Variants in TMEM259 observed in about 807,000 individuals in gnomAD.
TMEM259 encodes the protein transmembrane protein 259.
Under a neutral mutation model 46.7 loss-of-function variants are expected in TMEM259, and 26 were observed. The observed-to-expected ratio is 0.56, with a 90% CI of 0.41 to 0.77. TMEM259 has a LOEUF of 0.77. TMEM259 is among the 30% of genes least tolerant of loss of function. TMEM259 has a pLI of 0.00. For missense variants in TMEM259, 930 were observed against 900.5 expected, an observed-to-expected ratio of 1.03 and a Z score of -0.42; for synonymous variants, 494 against 395.1, an observed-to-expected ratio of 1.25 and a Z score of -2.97.
intron 1 of TMEM259, among the ~76,000 whole-genome samples, chr19:1,016,914 CCAGT>C (rs1351276696): frequency 2.6e-5 from 4 of 152,174 alleles, no homozygotes; most frequent in Non-Finnish European, 4.4e-5. Context: ...TGCACACACT[CCAGT>C]CAAAGACTTC....
chr19:1,020,709 T>A lies in TMEM259; in HGVS notation c.225+63A>T. The A allele has an allele frequency of 8.4e-7, 1 of 1,193,442 alleles. No individual in the cohort carries two copies. The highest frequency in any genetic ancestry group is 3.2e-5 in the East Asian group (1 of 31,470). 73.9% of individuals were successfully genotyped at this position (1,193,442 alleles called of 1,614,324 possible). A position where few individuals can be genotyped will look rare whatever the true frequency, so the allele number is the denominator to read the frequency against. ...CGGGGCCAGGGGTCGCGGTCGGAGG[T>A]AGCAGACTTGGGGGTCGGGACAGCC... On this transcript the variant is annotated intron_variant, in intron 1 of 10. Transcript: ENST00000356663. The surrounding 1 kb of genome is among the most constrained non-coding windows in gnomAD (Gnocchi z 4.0).
intron 1 of TMEM259, among the ~76,000 whole-genome samples, chr19:1,017,830 C>G (rs1178106354): frequency 6.6e-6 from 1 of 152,182 alleles, no homozygotes; most frequent in Non-Finnish European, 1.5e-5. Context: ...ACAGAGCCCT[C>G]AGCCCCAGCC....
In TMEM259 at chr19:1,020,814, C is replaced by T. The variant is rs138011392; in HGVS notation, c.183G>A (p.Pro61=). The T allele has an allele frequency of 3.8e-4, 517 of 1,345,694 alleles. 2 individuals carry two copies. The highest frequency in any genetic ancestry group is 2.0e-4 in the Middle Eastern group (1 of 5,098). The allele number at this position is 1,345,694 out of a possible 1,614,324, so 83.4% of individuals were successfully genotyped here. ...KMAVTYSRLF[P]PAFRRLFEFF... is the part of the protein sequence containing the mutation. ...ACTCGAAGAGACGGCGGAAGGCGGG[C>T]GGGAAGAGCCGCGAATAGGTGACAG... Residue 61 remains proline (P), a synonymous_variant, in exon 1 of 11, where the codon CCG becomes CCA. Transcript: ENST00000356663. The surrounding 1 kb of genome is among the most constrained non-coding windows in gnomAD (Gnocchi z 4.0).
In TMEM259 at chr19:1,010,262, G is replaced by A. The variant is rs2038856083; in HGVS notation, c.*88C>T. ...CGACACAGGCTGGGCAGTCCCAGAG[G>A]AAGGAGGTGGCTGGCCTCCCCCACC... On this transcript the variant is annotated 3_prime_UTR_variant, in exon 11 of 11. Transcript: ENST00000356663. The A allele has an allele frequency of 6.5e-6, 8 of 1,224,092 alleles. No individual in the cohort carries two copies. In the East Asian group the frequency reaches 1.4e-4, roughly 22 times the overall value. 75.8% of individuals were successfully genotyped at this position (1,224,092 alleles called of 1,614,324 possible).
intron 3 of TMEM259, among the ~76,000 whole-genome samples, chr19:1,012,961 C>T (rs371282206): frequency 1.7e-3 from 254 of 152,270 alleles, no homozygotes; most frequent in African/African-American, 4.4e-3. Context: ...GAGCACAGCC[C>T]GCTAGAACTC....
Position 1,011,671 on chromosome 19 carries a change from C to G in TMEM259, c.1001-8G>C. On this transcript the variant is annotated splice_polypyrimidine_tract_variant and splice_region_variant and intron_variant, in intron 7 of 10. Coordinates refer to ENST00000356663, the MANE Select transcript of TMEM259 (RefSeq NM_001033026.2). Reference sequence around the variant, plus strand: ...GCATCTGCAGCAGGTCCACTGCGGGCACAGGGCGGCGGGCGCCCGGTGAGG... The same window carrying G: ...GCATCTGCAGCAGGTCCACTGCGGGGACAGGGCGGCGGGCGCCCGGTGAGG... The G allele has an allele frequency of 6.5e-7, 1 of 1,543,004 alleles. No homozygotes were observed. Among genetic ancestry groups the G allele is most frequent in the Non-Finnish European group, 8.7e-7 (1 of 1,142,876 alleles).
chr19:1,020,930 G>A lies in TMEM259; in HGVS notation c.67C>T (p.Pro23Ser), dbSNP rs988128138. ...GPNGGGGGPAPARGPRTPNLN... is the reference protein window; with the variant it reads ...GPNGGGGGPASARGPRTPNLN... ...TTGGGGGTGCGAGGCCCGCGCGCGGGGGCCGGGCCGCCGCCGCCGCCGTTG... is the reference window on the plus strand; with the variant it reads ...TTGGGGGTGCGAGGCCCGCGCGCGGAGGCCGGGCCGCCGCCGCCGCCGTTG... Residue 23 changes from proline to serine, a missense_variant, in exon 1 of 11, where the codon CCC becomes TCC. Pro to Ser is a moderately conservative substitution (Grantham distance 74). Transcript: ENST00000356663. The surrounding 1 kb of genome is among the most constrained non-coding windows in gnomAD (Gnocchi z 4.0). 7.1e-6 allele frequency: 9 copies of A among 1,267,680 alleles called. No homozygotes were observed. The African/African-American group carries it at 7.8e-5, about 11-fold the overall frequency. 78.5% of individuals were successfully genotyped at this position (1,267,680 alleles called of 1,614,324 possible).
At position 1,021,076 on chromosome 19, in the gene TMEM259, C is replaced by G. The variant is rs1166283185; in HGVS notation, c.-80G>C. 2.4e-6 allele frequency: 3 copies of G among 1,253,506 alleles called. No individual in the cohort carries two copies. The highest frequency in any genetic ancestry group is 2.1e-5 in the South Asian group (1 of 47,316). The allele number at this position is 1,253,506 out of a possible 1,614,324, so 77.6% of individuals were successfully genotyped here. A position where few individuals can be genotyped will look rare whatever the true frequency, so the allele number is the denominator to read the frequency against. On this transcript the variant is annotated 5_prime_UTR_variant, in exon 1 of 11. Transcript: ENST00000356663. ...CGCCATCGGCCGCCCTCGCAGCCGC[C>G]GCTCTCCTCACGGCCTCCCGGCCGC...
chr19:1,012,441 A>G, intron 4 of TMEM259, 22 bp downstream of exon 4: 4 of 1,570,600 alleles, frequency 2.5e-6, no homozygotes, highest in Non-Finnish European at 2.6e-6. Context: ...GGAGCTCCCC[A>G]AGCCCAGCAG....
Position 1,010,635 on chromosome 19 carries a change from C to G in TMEM259, c.1578G>C (p.Ala526=). ...CGGCAGCTGCTGCCACTGAGGCTGC[C>G]GCGGCCACCAGGGAGCTGGGCGCCG... The part of the protein sequence containing the change: ...VAAAPSSLVA[A]AASVAAAAGG... The change falls in exon 11 of 11, where the codon GCG becomes GCC. Residue 526 remains alanine, a synonymous_variant. Coordinates refer to ENST00000356663, the MANE Select transcript of TMEM259 (RefSeq NM_001033026.2). 1.3e-6 allele frequency: 2 copies of G among 1,544,462 alleles called. No individual in the cohort carries two copies.
intron 2 of TMEM259, 42 bp downstream of exon 2, chr19:1,014,150 G>A (rs1352703600): frequency 1.8e-5 from 28 of 1,580,232 alleles, no homozygotes; most frequent in Non-Finnish European, 2.3e-5. Flanking sequence ...AGCATCTACG[G>A]GGCGCTGGCC....
At chr19:1,016,183 G>A (rs543896825) in intron 1 of TMEM259, among the ~76,000 whole-genome samples, 5 of 152,332 alleles carry the variant, frequency 3.3e-5, no homozygotes, top group African/African-American at 7.2e-5. Flanking sequence ...CACAGACGCC[G>A]GAGCTACAAA....
rs757361940 is a variant in TMEM259, at chr19:1,012,551, G to A, written c.630C>T (p.Ile210=). The A allele has an allele frequency of 8.2e-6, 13 of 1,594,012 alleles. 1 individual carries two copies. In the South Asian group the frequency reaches 1.1e-4, roughly 14 times the overall value. ...PTKVWPQDEY[I]VEYSLEYGFL... ...AGCCATACTCTAGTGAGTACTCCACGATGTACTCGTCCTGCGGCCACACTG... is the reference window on the plus strand; with the variant it reads ...AGCCATACTCTAGTGAGTACTCCACAATGTACTCGTCCTGCGGCCACACTG... Residue 210 remains isoleucine (I), a synonymous_variant, in exon 4 of 11, where the codon ATC becomes ATT. Transcript: ENST00000356663.
rs1008684734 is a variant in TMEM259, at chr19:1,010,168, G to A, written c.*182C>T. On this transcript the variant is annotated 3_prime_UTR_variant, in exon 11 of 11. Coordinates refer to ENST00000356663, the MANE Select transcript of TMEM259 (RefSeq NM_001033026.2). ...CACCTCACTAGCGGGTACAAGCCTC[G>A]GGCGCGACCTCACACCAGGGGGAGG... The A allele has an allele frequency of 5.2e-6, 3 of 574,244 alleles. No individual in the cohort carries two copies. Among genetic ancestry groups the A allele is most frequent in the Admixed American group, 3.8e-5 (1 of 26,446 alleles). 35.6% of individuals were successfully genotyped at this position (574,244 alleles called of 1,614,324 possible).
chr19:1,017,166 A>G, intron 1 of TMEM259: 1 of 398,932 alleles, frequency 2.5e-6, no homozygotes, highest in Non-Finnish European at 4.4e-6. Flanking sequence ...CTCCTCCCCA[A>G]GACCTGTCTG....
chr19:1,012,681 C>T, intron 3 of TMEM259, 108 bp from the exon 4 acceptor site: 1 of 1,445,354 alleles, frequency 6.9e-7, no homozygotes, highest in Non-Finnish European at 9.2e-7. Flanking sequence ...CTGCTGAGCC[C>T]TGGGCCCCAG....
chr19:1,016,861 G>A (rs1415263585), intron 1 of TMEM259, among the ~76,000 whole-genome samples: 1 of 152,178 alleles, frequency 6.6e-6, no homozygotes, highest in Non-Finnish European at 1.5e-5. Flanking sequence ...GTCCCATGAA[G>A]ACAGCGGACG....
chr19:1,009,879 C>A lies in TMEM259; in HGVS notation c.*471G>T. 1 of 394,010 alleles carries A rather than the reference C, an allele frequency of 2.5e-6. No individual in the cohort carries two copies. The highest frequency in any genetic ancestry group is 4.5e-6 in the Non-Finnish European group (1 of 221,808). The allele number at this position is 394,010 out of a possible 1,614,324, so 24.4% of individuals were successfully genotyped here. On this transcript the variant is annotated 3_prime_UTR_variant, in exon 11 of 11. Transcript: ENST00000356663. Reference sequence around the variant, plus strand: ...GGCGCAAGCTCTGCTCTCCCGGGGACCCCAAGCCTGGCGCACACGCGGGGA... The same window carrying A: ...GGCGCAAGCTCTGCTCTCCCGGGGAACCCAAGCCTGGCGCACACGCGGGGA...
rs1442616708 is a variant in TMEM259, at chr19:1,020,544, C to A, written c.225+228G>T. Reference sequence around the variant, plus strand: ...CTAGTGCAGCGGGATCCGGCCTTCCCGGGTGGACGTCCCCGGGCGGGATGG... The same window carrying A: ...CTAGTGCAGCGGGATCCGGCCTTCCAGGGTGGACGTCCCCGGGCGGGATGG... On this transcript the variant is annotated intron_variant, in intron 1 of 10. Transcript: ENST00000356663. This position sits in a 1 kb window ranked among gnomAD's most constrained non-coding sequence, Gnocchi z 4.0. Among the ~76,000 whole-genome samples the A allele has an allele frequency of 1.3e-5, 2 of 152,036 alleles. No homozygotes were observed. The highest frequency in any genetic ancestry group is 2.9e-5 in the Non-Finnish European group (2 of 67,998).
Sources: allele counts gnomAD v4.1 joint callset (sites outside exome capture counted in the v4.1 genomes callset), GRCh38; gene constraint gnomAD v4.1.1; non-coding constraint Gnocchi (gnomAD v3.1); transcripts MANE v1.5; gene names NCBI Gene and HGNC (gene_info 2026-07-23, HGNC 2026-07-21).